SLC44A5: variants seen among roughly 807,000 people sequenced by gnomAD.
SLC44A5 encodes solute carrier family 44 member 5.
Under a neutral mutation model 101.8 loss-of-function variants are expected in SLC44A5, and 57 were observed. That is an observed-to-expected ratio of 0.56 (90% confidence interval 0.45 to 0.70). The LOEUF (loss-of-function observed/expected upper bound fraction) is 0.70. Among genes scored for constraint, SLC44A5 ranks in the 30% least tolerant of loss-of-function variants. The pLI is 0.00. For missense variants in SLC44A5, 737 were observed against 853.1 expected (o/e 0.86, Z 1.70); for synonymous variants, 281 against 290.9 (o/e 0.97, Z 0.35).
the SLC44A5 span, among the ~76,000 whole-genome samples, chr1:75,621,305 G>A: frequency 1.4e-4 from 22 of 152,182 alleles, no homozygotes; most frequent in South Asian, 4.1e-4. Context: ...GTTACATGTC[G>A]TATAATCATT....
intron 1 of SLC44A5, among the ~76,000 whole-genome samples, chr1:75,571,391 G>A (rs1673064150): frequency 6.6e-6 from 1 of 152,128 alleles, no homozygotes; most frequent in Non-Finnish European, 1.5e-5. Flanking sequence ...AAAGTACATA[G>A]AGGGGAGATG....
At chr1:75,612,962 C>A (rs1454834462), upstream of SLC44A5, among the ~76,000 whole-genome samples, 2 of 152,192 alleles carry the variant, frequency 1.3e-5, no homozygotes, top group African/African-American at 4.8e-5. Context: ...TTCTGAAAGA[C>A]TGTCCTTTTG....
chr1:75,388,270 A>AATTC (rs1661534782), intron 3 of SLC44A5, among the ~76,000 whole-genome samples: 1 of 151,778 alleles, frequency 6.6e-6, no homozygotes, highest in South Asian at 2.1e-4. Context: ...AAAAAAAGAA[A>AATTC]ATTCATTACC....
rs557699591 is a variant in SLC44A5, at chr1:75,357,409, T to C, written c.53-17779A>G. Among the ~76,000 whole-genome samples the C allele has an allele frequency of 7.9e-5, 12 of 152,284 alleles. No individual in the cohort carries two copies. In the South Asian group the frequency reaches 2.3e-3, roughly 29 times the overall value. On this transcript the variant is annotated intron_variant, in intron 3 of 23. Transcript: ENST00000370859. ...AGGTTTCTCTGAGCACTGAGTAGAA[T>C]TGAAATTTCACTGAGTGCTTTCTCT...
the SLC44A5 span, among the ~76,000 whole-genome samples, chr1:75,632,865 T>C: frequency 6.6e-6 from 1 of 152,198 alleles, no homozygotes; most frequent in Non-Finnish European, 1.5e-5. Context: ...TCTTTAAAAG[T>C]TGCTGTGAGG....
At chr1:75,296,073 A>C (rs527859642) in intron 5 of SLC44A5, among the ~76,000 whole-genome samples, 3 of 152,312 alleles carry the variant, frequency 2.0e-5, no homozygotes, top group African/African-American at 7.2e-5. Flanking sequence ...GCAATTATGT[A>C]AACTTCTTTC....
intron 3 of SLC44A5, among the ~76,000 whole-genome samples, chr1:75,344,778 T>G (rs1479887673): frequency 2.0e-5 from 3 of 152,168 alleles, no homozygotes; most frequent in Non-Finnish European, 2.9e-5. Flanking sequence ...TATTTTGGAC[T>G]TCTAACATCT....
rs538359391 is a variant in SLC44A5, at chr1:75,271,980, TG to T, written c.260+2977del. Among the ~76,000 whole-genome samples, 199 of 152,286 alleles carry T rather than the reference TG, an allele frequency of 1.3e-3. 1 individual carries two copies. Among genetic ancestry groups the T allele is most frequent in the Admixed American group, 2.1e-3 (32 of 15,276 alleles). ...TCACCACATACATGCCAACATCTAT[TG>T]TTTTTTGACTTTTAATTATGGCCAT... is the stretch of plus-strand genomic sequence containing the variant. On this transcript the variant is annotated intron_variant, in intron 6 of 23. Transcript: ENST00000370859.
At chr1:75,369,905 T>G (rs1366764497) in intron 3 of SLC44A5, among the ~76,000 whole-genome samples, 1 of 152,228 alleles carries the variant, frequency 6.6e-6, no homozygotes, top group Non-Finnish European at 1.5e-5. Context: ...CCTTGAAACT[T>G]ACTGCTTACA....
rs149696907 is a variant in SLC44A5, at chr1:75,227,816, G to T, written c.895C>A (p.Arg299Ser). The T allele has an allele frequency of 7.5e-6, 12 of 1,599,042 alleles. No homozygotes were observed. The East Asian group carries it at 2.7e-4, about 36-fold the overall frequency. Reference protein sequence around the residue: ...CYQQYTNLQERPSSVLTIYDI... With the variant: ...CYQQYTNLQESPSSVLTIYDI... ...TAGATAGTTAATACAGAACTTGGGC[G>T]TTCCTGAAGATTGGTGTACTGCTGG... Residue 299 changes from arginine (R) to serine (S), a missense_variant, in exon 13 of 24, where the codon CGC becomes AGC. By Grantham distance (110) the Arg-to-Ser change is moderately radical. This residue lies in a region of SLC44A5 where 665 missense variants were observed against 764.4 expected (regional missense o/e 0.87). Transcript: ENST00000370859.
chr1:75,675,988 A>T, the SLC44A5 span, among the ~76,000 whole-genome samples: 2 of 152,246 alleles, frequency 1.3e-5, no homozygotes, highest in Non-Finnish European at 2.9e-5. Context: ...GCAATTCAAA[A>T]CTGCAATGAG....
chr1:75,717,489 A>C, the SLC44A5 span, among the ~76,000 whole-genome samples: 1 of 152,188 alleles, frequency 6.6e-6, no homozygotes, highest in Admixed American at 6.5e-5. Context: ...GAGGGAGATC[A>C]AAAAACTACC....
chr1:75,720,606 C>G, the SLC44A5 span, among the ~76,000 whole-genome samples: 49 of 152,174 alleles, frequency 3.2e-4, 1 homozygote, highest in African/African-American at 1.1e-3. Flanking sequence ...TGTCAATAAT[C>G]AAATGATCAA....
intron 3 of SLC44A5, among the ~76,000 whole-genome samples, chr1:75,376,128 C>A (rs940067883): frequency 2.3e-4 from 35 of 152,246 alleles, no homozygotes; most frequent in African/African-American, 8.4e-4. Context: ...GCTTTTCCGA[C>A]CGGCTTAAAA....
the SLC44A5 span, among the ~76,000 whole-genome samples, chr1:75,636,291 C>CTTAATCTTGTATATTGTAAGTGCT: frequency 2.0e-5 from 3 of 151,906 alleles, no homozygotes; most frequent in Admixed American, 2.0e-4. Context: ...ATATTATATA[C>CTTAATCTTGTATATTGTAAGTGCT]AAGAAAAGCA....
At chr1:75,465,524 T>C (rs1666766121) in intron 2 of SLC44A5, among the ~76,000 whole-genome samples, 2 of 151,042 alleles carry the variant, frequency 1.3e-5, no homozygotes, top group South Asian at 2.1e-4. Context: ...CGAAAAGAAA[T>C]AATAAAAATC....
intron 4 of SLC44A5, among the ~76,000 whole-genome samples, chr1:75,309,349 CTCACGAGT>C (rs1288943660): frequency 6.6e-6 from 1 of 152,160 alleles, no homozygotes; most frequent in Non-Finnish European, 1.5e-5. Context: ...GGAACTTGAG[CTCACGAGT>C]TCACTGTTGG....
chr1:75,527,820 G>GT (rs1227362703), intron 2 of SLC44A5, among the ~76,000 whole-genome samples: 1 of 152,082 alleles, frequency 6.6e-6, no homozygotes, highest in Non-Finnish European at 1.5e-5. Flanking sequence ...TTTCTAGGCT[G>GT]TTCACTGACC....
At chr1:75,660,867 G>T in the SLC44A5 span, among the ~76,000 whole-genome samples, 138,055 of 152,226 alleles carry the variant, frequency 0.91, 62,804 homozygotes, top group Middle Eastern at 0.94. Flanking sequence ...GAATTATTAT[G>T]GTTAAAATGA....
Sources: allele counts gnomAD v4.1 joint callset (sites outside exome capture counted in the v4.1 genomes callset), GRCh38; gene constraint gnomAD v4.1.1; regional missense constraint gnomAD v4.1.1; transcripts MANE v1.5; gene names NCBI Gene and HGNC (gene_info 2026-07-23, HGNC 2026-07-21).